ALDH18A1: variants seen among roughly 807,000 people sequenced by gnomAD.
ALDH18A1 encodes aldehyde dehydrogenase 18 family member A1, also known as delta-1-pyrroline-5-carboxylate synthase.
In ALDH18A1, 44 loss-of-function variants were observed where a neutral mutation model predicts 88.8. The ratio of observed to expected loss-of-function variants is 0.50; its 90% CI spans 0.39 to 0.64. The LOEUF is 0.64. ALDH18A1 is among the 30% of genes least tolerant of loss of function. The pLI is 0.00. For synonymous variants in ALDH18A1, 331 were observed against 372.1 expected (o/e 0.89, Z 1.27); for missense variants, 782 against 1,009.5 (o/e 0.77, Z 3.05).
chr10:95,641,163 C>T (rs1447840151), intron 3 of ALDH18A1, among the ~76,000 whole-genome samples: 1 of 152,100 alleles, frequency 6.6e-6, no homozygotes, highest in East Asian at 1.9e-4. Context: ...TGTGCAAATC[C>T]CATCAGTTGT....
Position 95,614,114 on chromosome 10 carries a change from C to A in ALDH18A1, c.1653G>T (p.Met551Ile). Reference protein sequence around the residue: ...EVEDLCRLDKMIDLIIPRGSS... With the variant: ...EVEDLCRLDKIIDLIIPRGSS... The stretch of plus-strand genomic sequence containing the variant: ...AGCCACGTGGAATGATCAGATCTAT[C>A]ATTTTGTCTAGGCGGCAAAGATCTT... The change falls in exon 14 of 18, where the codon ATG becomes ATT. Residue 551 changes from methionine (M) to isoleucine (I), a missense_variant. Around this residue, in one of 3 missense-constraint regions of ALDH18A1, gnomAD observed 556 missense variants for 654.5 expected, o/e 0.85. Transcript: ENST00000371224. 3 of 1,614,186 alleles carry A rather than the reference C, an allele frequency of 1.9e-6. 1 individual carries two copies. The highest frequency in any genetic ancestry group is 3.3e-4 in the Middle Eastern group (2 of 6,062).
chr10:95,625,867 A>G (rs1015710369), intron 10 of ALDH18A1, among the ~76,000 whole-genome samples: 1 of 152,074 alleles, frequency 6.6e-6, no homozygotes, highest in Non-Finnish European at 1.5e-5. Context: ...AACATGTTAC[A>G]TAGAGTCTTA....
chr10:95,614,958 T>C (rs940904651), intron 13 of ALDH18A1, among the ~76,000 whole-genome samples: 4 of 152,202 alleles, frequency 2.6e-5, no homozygotes, highest in African/African-American at 7.2e-5. Flanking sequence ...ACAATGGGAA[T>C]GAATGCCACA....
intron 17 of ALDH18A1, among the ~76,000 whole-genome samples, chr10:95,609,423 C>G (rs924751366): frequency 4.6e-5 from 7 of 152,206 alleles, no homozygotes; most frequent in African/African-American, 9.6e-5. Flanking sequence ...CCGAGGCAAC[C>G]TGGCTGTGCC....
chr10:95,627,029 C>T (rs561276491), intron 9 of ALDH18A1, among the ~76,000 whole-genome samples: 9 of 152,150 alleles, frequency 5.9e-5, no homozygotes, highest in Non-Finnish European at 1.2e-4. Flanking sequence ...ACTTTGTTTT[C>T]TAGAATTCTT....
intron 12 of ALDH18A1, among the ~76,000 whole-genome samples, chr10:95,620,460 C>T (rs1405600637): frequency 6.6e-6 from 1 of 152,180 alleles, no homozygotes; most frequent in Non-Finnish European, 1.5e-5. Context: ...ATAAATCATG[C>T]TACTGTAAAG....
rs545575444 is a variant in ALDH18A1, at chr10:95,606,474, T to C, written c.*288A>G. 1 of 1,264,220 alleles carries C rather than the reference T, an allele frequency of 7.9e-7. No individual in the cohort carries two copies. The highest frequency in any genetic ancestry group is 1.5e-5 in the African/African-American group (1 of 66,076). The allele number at this position is 1,264,220 out of a possible 1,614,324, so 78.3% of individuals were successfully genotyped here. A position where few individuals can be genotyped will look rare whatever the true frequency, so the allele number is the denominator to read the frequency against. ...AAGCAGCCATGGGTTTTCCTCGCCT[T>C]TTTTATGGGGAAAATGCACCTTTCA... On this transcript the variant is annotated 3_prime_UTR_variant, in exon 18 of 18. Coordinates refer to ENST00000371224, the MANE Select transcript of ALDH18A1 (RefSeq NM_002860.4).
At chr10:95,624,377 A>G (rs1443893124) in intron 11 of ALDH18A1, among the ~76,000 whole-genome samples, 5 of 152,208 alleles carry the variant, frequency 3.3e-5, no homozygotes, top group Non-Finnish European at 7.3e-5. Flanking sequence ...ATGAGTGGAT[A>G]GTATCAAAGA....
At chr10:95,619,203 A>G (rs1321363316) in intron 12 of ALDH18A1, among the ~76,000 whole-genome samples, 2 of 152,164 alleles carry the variant, frequency 1.3e-5, no homozygotes, top group South Asian at 2.1e-4. Context: ...TACAAAGAGA[A>G]TAAAATACCT....
intron 11 of ALDH18A1, among the ~76,000 whole-genome samples, chr10:95,622,121 C>T (rs1054956166): frequency 6.6e-6 from 1 of 151,944 alleles, no homozygotes; most frequent in Non-Finnish European, 1.5e-5. Flanking sequence ...TAATCAGAAC[C>T]AACAAAGATG....
At chr10:95,617,124 G>A (rs191342649) in intron 12 of ALDH18A1, among the ~76,000 whole-genome samples, 6 of 152,352 alleles carry the variant, frequency 3.9e-5, no homozygotes, top group Admixed American at 3.3e-4. Context: ...GCAGGTGCCT[G>A]TAGTCCCAGC....
rs138948044 is a variant in ALDH18A1 at position 95,641,697 on chromosome 10, C to T, written c.303+1295G>A. The stretch of plus-strand genomic sequence containing the variant: ...TCTGTCACCAAGGCTGGAGTGCAGT[C>T]GCATGATCATAGCTCATTGCAGCCT... On this transcript the variant is annotated intron_variant, in intron 3 of 17. Transcript: ENST00000371224. Among the ~76,000 whole-genome samples the T allele has an allele frequency of 2.8e-3, 433 of 152,012 alleles. 2 individuals carry two copies. The highest frequency in any genetic ancestry group is 9.8e-3 in the African/African-American group (407 of 41,454).
At chr10:95,631,355 T>C (rs549810247) in intron 7 of ALDH18A1, among the ~76,000 whole-genome samples, 4 of 152,240 alleles carry the variant, frequency 2.6e-5, no homozygotes, top group African/African-American at 7.2e-5. Context: ...CCACAATCTG[T>C]CCCATGGTTT....
At chr10:95,650,014 C>G (rs370661347) in intron 2 of ALDH18A1, among the ~76,000 whole-genome samples, 2 of 152,040 alleles carry the variant, frequency 1.3e-5, no homozygotes, top group East Asian at 3.9e-4. Context: ...GAGCCTTGAT[C>G]GTGCCACTAT....
chr10:95,643,197 T>C lies in ALDH18A1; in HGVS notation c.98A>G (p.Gln33Arg). ...ACGAACATGTCTGATGACTGAAGGC[T>C]GGATACAATCTGTAGCCATCAAAGT... ...CTTVFRSHCI[Q>R]PSVIRHVRSW... The change falls in exon 3 of 18, where the codon CAG (glutamine) becomes CGG (arginine). Residue 33 changes from glutamine to arginine, a missense_variant. By Grantham distance (43) the Gln-to-Arg change is conservative (BLOSUM62 1). Around this residue, in one of 3 missense-constraint regions of ALDH18A1, gnomAD observed 94 missense variants for 99.5 expected, o/e 0.94. Coordinates refer to ENST00000371224, the MANE Select transcript of ALDH18A1 (RefSeq NM_002860.4). 6.2e-7 allele frequency: 1 copy of C among 1,614,170 alleles called. No individual in the cohort carries two copies. Among genetic ancestry groups the C allele is most frequent in the Non-Finnish European group, 8.5e-7 (1 of 1,180,026 alleles).
At chr10:95,626,859 C>A in intron 9 of ALDH18A1, 83 bp from the exon 10 acceptor site, 1 of 1,399,922 alleles carries the variant, frequency 7.1e-7, no homozygotes, top group African/African-American at 1.4e-5. Flanking sequence ...ACTACCAGCA[C>A]ATGCACAAGC....
intron 13 of ALDH18A1, among the ~76,000 whole-genome samples, chr10:95,615,338 CAA>C (rs71913331): frequency 9.6e-4 from 119 of 123,356 alleles, no homozygotes; most frequent in Middle Eastern, 4.2e-3. Context: ...GACCATGTCT[CAA>C]AAAAAAAAAA....
At chr10:95,641,372 A>C (rs1037792927) in intron 3 of ALDH18A1, among the ~76,000 whole-genome samples, 3 of 152,096 alleles carry the variant, frequency 2.0e-5, no homozygotes, top group Non-Finnish European at 4.4e-5. Flanking sequence ...TATGTTTCTA[A>C]GGTAGAGAGG....
chr10:95,609,899 G>C lies in ALDH18A1; in HGVS notation c.2206+298C>G, dbSNP rs183650285. ...TTCTCCTGCCTCAGCCTCCTGAGTA[G>C]CTGGGATTACAGGCATGCACCACCA... On this transcript the variant is annotated intron_variant, in intron 17 of 17. Transcript: ENST00000371224. 1.2e-4 allele frequency among the ~76,000 whole-genome samples: 18 copies of C among 151,436 alleles called. No homozygotes were observed. In the East Asian group the frequency reaches 3.5e-3, roughly 30 times the overall value.
Sources: allele counts gnomAD v4.1 joint callset (sites outside exome capture counted in the v4.1 genomes callset), GRCh38; gene constraint gnomAD v4.1.1; regional missense constraint gnomAD v4.1.1; transcripts MANE v1.5; gene names NCBI Gene and HGNC (gene_info 2026-07-23, HGNC 2026-07-21).